Variants in AGAP1 observed in about 807,000 individuals in gnomAD.
AGAP1 encodes the protein arf-GAP with GTPase, ANK repeat and PH domain-containing protein 1.
In AGAP1, 29 loss-of-function variants were observed where a neutral mutation model predicts 105.3. That is an observed-to-expected ratio of 0.28 (90% CI 0.21 to 0.38). The LOEUF (loss-of-function observed/expected upper bound fraction) is 0.38, where lower values mean the gene tolerates loss of function less well. Ranked by LOEUF, AGAP1 falls within the 10% of genes least tolerant of loss-of-function variation. The probability of loss-of-function intolerance (pLI) is 1.00; values close to 1 mark genes in which losing one functional copy is unlikely to be tolerated. For missense variants in AGAP1, 998 were observed against 1,165.1 expected, an observed-to-expected ratio of 0.86 and a Z score of 2.09; for synonymous variants, 509 against 485.9, an observed-to-expected ratio of 1.05 and a Z score of -0.63.
At chr2:235,857,838 A>G (rs1448974728) in intron 9 of AGAP1, among the ~76,000 whole-genome samples, 1 of 152,236 alleles carries the variant, frequency 6.6e-6, no homozygotes, top group Non-Finnish European at 1.5e-5. Flanking sequence ...TTTCCAGTAA[A>G]AGCGCTGGAA....
intron 3 of AGAP1, among the ~76,000 whole-genome samples, chr2:235,727,937 T>G (rs927569524): frequency 5.9e-5 from 9 of 152,244 alleles, no homozygotes; most frequent in African/African-American, 2.2e-4. Context: ...AGATTGACAC[T>G]TCAGAGAAGG....
chr2:236,024,827 T>G (rs1023054211), intron 13 of AGAP1, among the ~76,000 whole-genome samples: 1 of 152,224 alleles, frequency 6.6e-6, no homozygotes, highest in African/African-American at 2.4e-5. Context: ...TTGGAATAAT[T>G]GGGCAGGTTG....
chr2:235,740,680 A>G lies in AGAP1; in HGVS notation c.311-283A>G, dbSNP rs767732134. On this transcript the variant is annotated intron_variant, in intron 3 of 17. Transcript: ENST00000304032. The surrounding 1 kb of genome is among the most constrained non-coding windows in gnomAD (Gnocchi z 5.7). The stretch of plus-strand genomic sequence containing the variant: ...TGAGTGAGAATTCCTGAATTTACAT[A>G]GAAAGCCCACATGAGAAGTCCACAC... 2.0e-5 allele frequency among the ~76,000 whole-genome samples: 3 copies of G among 152,372 alleles called. No homozygotes were observed. The East Asian group carries it at 5.8e-4, about 29-fold the overall frequency.
chr2:235,731,351 G>C (rs1216780115), intron 3 of AGAP1, among the ~76,000 whole-genome samples: 1 of 152,158 alleles, frequency 6.6e-6, no homozygotes, highest in Non-Finnish European at 1.5e-5. Context: ...CCACACACTT[G>C]GATAAACATG....
chr2:235,911,634 C>T (rs371022860), intron 11 of AGAP1, among the ~76,000 whole-genome samples: 6 of 152,328 alleles, frequency 3.9e-5, no homozygotes, highest in African/African-American at 1.2e-4. Flanking sequence ...CTGATGGAGT[C>T]GGCTGTGGCA....
chr2:235,656,641 CAG>C (rs1427512568), intron 1 of AGAP1, among the ~76,000 whole-genome samples: 11 of 152,156 alleles, frequency 7.2e-5, no homozygotes, highest in Admixed American at 2.0e-4. Flanking sequence ...CCCTAGCCAA[CAG>C]GGGAACGACA....
intron 1 of AGAP1, among the ~76,000 whole-genome samples, chr2:235,534,293 T>G (rs1434415736): frequency 6.6e-6 from 1 of 152,180 alleles, no homozygotes; most frequent in African/African-American, 2.4e-5. Flanking sequence ...CAGTGCCTGC[T>G]GCCACGTCAC....
rs75645110 is a variant in AGAP1, at chr2:235,667,111, G to A, written c.164-42068G>A. Among the ~76,000 whole-genome samples the A allele has an allele frequency of 5.0e-3, 764 of 152,254 alleles. 1 individual carries two copies. The highest frequency in any genetic ancestry group is 8.2e-3 in the Non-Finnish European group (561 of 68,018). ...GTGGTGTTCATCATTAAAGAGGCGG[G>A]ATGGCCCTGTAGCTGTCTCTGGGAT... On this transcript the variant is annotated intron_variant, in intron 1 of 17. Transcript: ENST00000304032.
intron 1 of AGAP1, among the ~76,000 whole-genome samples, chr2:235,654,365 A>T (rs773840816): frequency 6.6e-6 from 1 of 152,196 alleles, no homozygotes; most frequent in Non-Finnish European, 1.5e-5. Context: ...TTTCCTGCAC[A>T]GCTGGGGATG....
chr2:236,082,271 T>C lies in AGAP1; in HGVS notation c.2114+32990T>C, dbSNP rs1322942387. ...CTGGAAGTTATAGATGCAGATATTA[T>C]TTGCACTGCGGTTAATTATGGAGCA... On this transcript the variant is annotated intron_variant, in intron 16 of 17. Transcript: ENST00000304032. The surrounding 1 kb of genome is among the most constrained non-coding windows in gnomAD (Gnocchi z 4.2). 1.3e-5 allele frequency among the ~76,000 whole-genome samples: 2 copies of C among 152,258 alleles called. No individual in the cohort carries two copies. The highest frequency in any genetic ancestry group is 6.5e-5 in the Admixed American group (1 of 15,286).
At position 235,744,092 on chromosome 2, in the gene AGAP1, C is replaced by T. The variant is rs1398026964; in HGVS notation, c.397-606C>T. On this transcript the variant is annotated intron_variant, in intron 4 of 17. Coordinates refer to ENST00000304032, the MANE Select transcript of AGAP1 (RefSeq NM_001037131.3). The surrounding 1 kb of genome is among the most constrained non-coding windows in gnomAD (Gnocchi z 5.2). ...AGTGAGGCTATTGTGAAGTTTTCTT[C>T]CCTAAGTTTTGTTAATTTCCCTGAA... 1.3e-5 allele frequency among the ~76,000 whole-genome samples: 2 copies of T among 152,182 alleles called. No individual in the cohort carries two copies. The highest frequency in any genetic ancestry group is 2.9e-5 in the Non-Finnish European group (2 of 68,026).
chr2:235,678,063 G>A (rs909450488), intron 1 of AGAP1, among the ~76,000 whole-genome samples: 7 of 151,912 alleles, frequency 4.6e-5, no homozygotes, highest in African/African-American at 7.2e-5. Flanking sequence ...CCTCAGGAGC[G>A]GGCGCAGTCG....
intron 6 of AGAP1, among the ~76,000 whole-genome samples, chr2:235,796,750 C>G (rs1253853002): frequency 6.6e-6 from 1 of 152,172 alleles, no homozygotes; most frequent in Non-Finnish European, 1.5e-5. Context: ...AAGTTCCTTT[C>G]CGTGGACATC....
intron 2 of AGAP1, among the ~76,000 whole-genome samples, chr2:235,710,200 C>T (rs1413565085): frequency 1.3e-5 from 2 of 152,216 alleles, no homozygotes; most frequent in African/African-American, 4.8e-5. Context: ...CTGACCCCAA[C>T]CTCATTGCAT....
chr2:235,929,231 GT>G (rs1288799571), intron 11 of AGAP1, among the ~76,000 whole-genome samples: 22 of 152,112 alleles, frequency 1.4e-4, no homozygotes, highest in Non-Finnish European at 2.5e-4. Context: ...GGCTGGAGTG[GT>G]TTTTTTAATT....
rs934869674 is a variant in AGAP1 at position 235,957,346 on chromosome 2, G to C, written c.1484-11116G>C. On this transcript the variant is annotated intron_variant, in intron 12 of 17. Transcript: ENST00000304032. The surrounding 1 kb of genome is among the most constrained non-coding windows in gnomAD (Gnocchi z 4.6). ...TCTCCTGTGTGTTCTCTTGGTTCTGGCTCCTCCTATTGTATTCCTTTCCTC... is the reference window on the plus strand; with the variant it reads ...TCTCCTGTGTGTTCTCTTGGTTCTGCCTCCTCCTATTGTATTCCTTTCCTC... 1.3e-5 allele frequency among the ~76,000 whole-genome samples: 2 copies of C among 152,104 alleles called. No homozygotes were observed. Among genetic ancestry groups the C allele is most frequent in the Non-Finnish European group, 2.9e-5 (2 of 68,024 alleles).
At chr2:235,820,367 A>G (rs769251932) in intron 9 of AGAP1, among the ~76,000 whole-genome samples, 1 of 152,168 alleles carries the variant, frequency 6.6e-6, no homozygotes, top group Non-Finnish European at 1.5e-5. Context: ...AAGTGGTCAC[A>G]TTTTTTTAAT....
intron 6 of AGAP1, chr2:235,774,220 C>G: frequency 2.5e-6 from 1 of 401,590 alleles, no homozygotes; most frequent in South Asian, 1.9e-5. Flanking sequence ...CATCTATAAA[C>G]TAAAAATGCA....
At chr2:235,523,546 G>A (rs367882506) in intron 1 of AGAP1, among the ~76,000 whole-genome samples, 4 of 152,142 alleles carry the variant, frequency 2.6e-5, no homozygotes, top group Admixed American at 6.6e-5. Context: ...GTCATGGTAC[G>A]TGCTGTCCGC....
Sources: gnomAD v4.1 joint callset for allele counts (sites outside exome capture counted in the v4.1 genomes callset) on GRCh38, gnomAD v4.1.1 for gene constraint, Gnocchi (gnomAD v3.1) non-coding constraint, MANE v1.5 for transcripts, NCBI Gene and HGNC (gene_info 2026-07-23, HGNC 2026-07-21) for gene names.